Variants in ERP44 observed in about 807,000 individuals in gnomAD.
ERP44 encodes the protein endoplasmic reticulum protein 44.
ERP44 carries 25 observed loss-of-function variants against 53.4 expected under a neutral mutation model. That is an observed-to-expected ratio of 0.47 (90% CI 0.34 to 0.65). ERP44 has a LOEUF of 0.65. Ranked by LOEUF, ERP44 falls within the 30% of genes least tolerant of loss-of-function variation. The pLI, the probability that ERP44 is intolerant of heterozygous loss-of-function variation, is 0.01. For synonymous variants in ERP44, 145 were observed against 161.2 expected (o/e 0.90, Z 0.76); for missense variants, 338 against 493.2 (o/e 0.69, Z 2.98).
At chr9:99,984,428 AAG>A (rs1170879541) in intron 11 of ERP44, among the ~76,000 whole-genome samples, 1 of 152,176 alleles carries the variant, frequency 6.6e-6, no homozygotes, top group African/African-American at 2.4e-5. Context: ...AAAAACATAA[AAG>A]AACATAAAAT....
chr9:100,031,734 T>C (rs1377750448), intron 4 of ERP44, among the ~76,000 whole-genome samples: 3 of 152,144 alleles, frequency 2.0e-5, no homozygotes, highest in East Asian at 1.9e-4. Context: ...TAAAAGCAGA[T>C]ATTCAAGCTC....
At chr9:100,025,458 T>C (rs1171956600) in intron 4 of ERP44, among the ~76,000 whole-genome samples, 2 of 152,194 alleles carry the variant, frequency 1.3e-5, no homozygotes, top group African/African-American at 4.8e-5. Context: ...CACTTCAGTT[T>C]AGATAAATAT....
chr9:100,064,198 C>T (rs530160977), intron 1 of ERP44, among the ~76,000 whole-genome samples: 17 of 152,264 alleles, frequency 1.1e-4, no homozygotes, highest in Admixed American at 8.5e-4. Flanking sequence ...CTCCAACAGA[C>T]GGGGAGTACC....
chr9:100,034,423 C>T (rs1252450627), intron 4 of ERP44, among the ~76,000 whole-genome samples: 13 of 152,136 alleles, frequency 8.5e-5, no homozygotes, highest in Admixed American at 8.5e-4. Context: ...CTAGAAAACT[C>T]AAATAATCCA....
chr9:100,073,004 T>C (rs940742574), intron 1 of ERP44, among the ~76,000 whole-genome samples: 2 of 152,224 alleles, frequency 1.3e-5, no homozygotes, highest in Non-Finnish European at 2.9e-5. Flanking sequence ...TCATGCTGAC[T>C]CTTCAAAATT....
chr9:100,024,601 G>A (rs1409978772), intron 4 of ERP44, among the ~76,000 whole-genome samples: 1 of 151,402 alleles, frequency 6.6e-6, no homozygotes, highest in East Asian at 1.9e-4. Context: ...CCATGGAAAT[G>A]TTTAACATTA....
chr9:100,089,053 T>C (rs985812332), intron 1 of ERP44, among the ~76,000 whole-genome samples: 3 of 152,148 alleles, frequency 2.0e-5, no homozygotes, highest in Non-Finnish European at 4.4e-5. Flanking sequence ...ATAAACACTT[T>C]ATAAGTTTTA....
chr9:100,068,343 C>A (rs1399653677), intron 1 of ERP44, among the ~76,000 whole-genome samples: 1 of 134,300 alleles, frequency 7.4e-6, no homozygotes, highest in Non-Finnish European at 1.6e-5. Flanking sequence ...GGGGGGTCAG[C>A]CCCCCGCCCG....
chr9:100,092,903 T>C (rs1826577195), intron 1 of ERP44, among the ~76,000 whole-genome samples: 1 of 152,298 alleles, frequency 6.6e-6, no homozygotes, highest in African/African-American at 2.4e-5. Context: ...GGAATACACA[T>C]TGGTACAAAT....
rs1278120208 is a variant in ERP44, at chr9:100,078,966, T to G, written c.58-18794A>C. Among the ~76,000 whole-genome samples, 5 of 152,140 alleles carry G rather than the reference T, an allele frequency of 3.3e-5. No individual in the cohort carries two copies. The East Asian group carries it at 9.6e-4, about 29-fold the overall frequency. Reference sequence around the variant, plus strand: ...CTTTATCATTGCCTTTATTTAAAGATTATGTATGATCTCAGGAGATATATA... The same window carrying G: ...CTTTATCATTGCCTTTATTTAAAGAGTATGTATGATCTCAGGAGATATATA... On this transcript the variant is annotated intron_variant, in intron 1 of 11. Transcript: ENST00000262455.
chr9:100,013,903 C>A (rs1472733546), intron 8 of ERP44, among the ~76,000 whole-genome samples: 2 of 152,022 alleles, frequency 1.3e-5, no homozygotes, highest in Non-Finnish European at 2.9e-5. Flanking sequence ...TAAATGTCCA[C>A]CAATAGTAGA....
Position 100,098,341 on chromosome 9 carries a change from C to T in ERP44, c.57+443G>A, listed in dbSNP as rs549537736. Among the ~76,000 whole-genome samples, 3 of 152,288 alleles carry T rather than the reference C, an allele frequency of 2.0e-5. No homozygotes were observed. In the South Asian group the frequency reaches 6.2e-4, roughly 32 times the overall value. On this transcript the variant is annotated intron_variant, in intron 1 of 11. Coordinates refer to ENST00000262455, the MANE Select transcript of ERP44 (RefSeq NM_015051.3). ...GCCACAACAGAGGGATCTGCCAACCCGGGCACCGCTTCAGGGATCTAGACC... is the reference window on the plus strand; with the variant it reads ...GCCACAACAGAGGGATCTGCCAACCTGGGCACCGCTTCAGGGATCTAGACC...
chr9:99,993,173 A>G (rs967095421), intron 10 of ERP44, among the ~76,000 whole-genome samples: 3 of 152,240 alleles, frequency 2.0e-5, no homozygotes, highest in African/African-American at 7.2e-5. Context: ...TTTAAAATTC[A>G]TATGGAACCA....
intron 10 of ERP44, among the ~76,000 whole-genome samples, chr9:99,987,590 A>G (rs1587953509): frequency 2.6e-5 from 4 of 152,306 alleles, no homozygotes; most frequent in Admixed American, 2.6e-4. Flanking sequence ...TTTTAGGCTT[A>G]AGTTTTATGA....
chr9:99,992,356 T>G (rs1013937148), intron 10 of ERP44, among the ~76,000 whole-genome samples: 7 of 151,784 alleles, frequency 4.6e-5, no homozygotes, highest in Non-Finnish European at 1.0e-4. Context: ...GCAAGGCTGG[T>G]TCAACATATG....
chr9:100,044,713 C>G (rs940073333), intron 4 of ERP44, among the ~76,000 whole-genome samples: 2 of 152,136 alleles, frequency 1.3e-5, no homozygotes, highest in South Asian at 4.1e-4. Flanking sequence ...CATACTTTTT[C>G]AAAAACTCCA....
At chr9:100,089,233 T>C (rs1212428407) in intron 1 of ERP44, among the ~76,000 whole-genome samples, 3 of 152,162 alleles carry the variant, frequency 2.0e-5, no homozygotes, top group Admixed American at 2.0e-4. Flanking sequence ...AAACCCATAC[T>C]TTACTTAATA....
chr9:100,040,738 T>C (rs1006363369), intron 4 of ERP44, among the ~76,000 whole-genome samples: 12 of 152,176 alleles, frequency 7.9e-5, no homozygotes, highest in Non-Finnish European at 1.8e-4. Context: ...TTGTAAATAA[T>C]ATGATCTTAT....
At chr9:99,998,494 C>T in intron 10 of ERP44, 1 of 713,154 alleles carries the variant, frequency 1.4e-6, no homozygotes. Flanking sequence ...CCACGGCCTC[C>T]CTCGGAGCCC....
Sources: gnomAD v4.1 joint callset for allele counts (sites outside exome capture counted in the v4.1 genomes callset) on GRCh38, gnomAD v4.1.1 for gene constraint, MANE v1.5 for transcripts, NCBI Gene and HGNC (gene_info 2026-07-23, HGNC 2026-07-21) for gene names.